LANCL1: variants seen among roughly 807,000 people sequenced by gnomAD.
The protein encoded by LANCL1 is glutathione S-transferase LANCL1.
A neutral mutation model predicts 50.6 loss-of-function variants in LANCL1; 50 were observed. The ratio of observed to expected loss-of-function variants is 0.99; its 90% confidence interval spans 0.79 to 1.25. The LOEUF (loss-of-function observed/expected upper bound fraction) is 1.25, where lower values mean the gene tolerates loss of function less well. Among genes scored for constraint, LANCL1 ranks in the 50% most tolerant of loss-of-function variants. The probability of loss-of-function intolerance (pLI) is 0.00; values close to 1 mark genes in which losing one functional copy is unlikely to be tolerated. For missense variants in LANCL1, 532 were observed against 480.7 expected, an observed-to-expected ratio of 1.11 and a Z score of -1.00; for synonymous variants, 188 against 178.6, an observed-to-expected ratio of 1.05 and a Z score of -0.42.
intron 2 of LANCL1, among the ~76,000 whole-genome samples, chr2:210,473,689 CG>C (rs1284217932): frequency 1.3e-5 from 2 of 152,176 alleles, no homozygotes; most frequent in African/African-American, 4.8e-5. Flanking sequence ...AGATTCACTT[CG>C]GAGGAGCATC....
At chr2:210,440,573 A>G (rs1559707503) in intron 6 of LANCL1, 25 bp downstream of exon 6, 4 of 1,595,194 alleles carry the variant, frequency 2.5e-6, no homozygotes, top group Non-Finnish European at 3.4e-6. Flanking sequence ...GGACATTTTA[A>G]AATTTCACCA....
intron 4 of LANCL1, among the ~76,000 whole-genome samples, chr2:210,452,639 A>G (rs936582023): frequency 6.6e-6 from 1 of 152,102 alleles, no homozygotes; most frequent in Admixed American, 6.6e-5. Context: ...ACTGCCAGAA[A>G]CCCTAAGATT....
rs150335513 is a variant in LANCL1 at position 210,467,933 on chromosome 2, T to C, written c.199+4026A>G. Among the ~76,000 whole-genome samples, 13 of 152,272 alleles carry C rather than the reference T, an allele frequency of 8.5e-5. No individual in the cohort carries two copies. The East Asian group carries it at 2.3e-3, about 27-fold the overall frequency. On this transcript the variant is annotated intron_variant, in intron 3 of 9. Transcript: ENST00000450366. ...ATACAATTATGGGGTTTAGTATGAATTGATGCATGGTACAAATTGGAAACT... is the reference window on the plus strand; with the variant it reads ...ATACAATTATGGGGTTTAGTATGAACTGATGCATGGTACAAATTGGAAACT...
intron 6 of LANCL1, among the ~76,000 whole-genome samples, chr2:210,439,520 C>T (rs551082097): frequency 6.6e-6 from 1 of 152,126 alleles, no homozygotes; most frequent in South Asian, 2.1e-4. Context: ...ACATTTACTA[C>T]TGGGAATAGA....
chr2:210,435,289 A>C lies in LANCL1; in HGVS notation c.1123+98T>G. ...GGAAATAAAAAAGTAGTTTAAGAATAATTATAAAATTTTTTGCTAAAACTT... is the reference window on the plus strand; with the variant it reads ...GGAAATAAAAAAGTAGTTTAAGAATCATTATAAAATTTTTTGCTAAAACTT... On this transcript the variant is annotated intron_variant, in intron 9 of 9. Coordinates refer to ENST00000450366, the MANE Select transcript of LANCL1 (RefSeq NM_006055.3). The C allele has an allele frequency of 4.8e-6, 4 of 839,824 alleles. No individual in the cohort carries two copies. In the South Asian group the frequency reaches 6.2e-5, roughly 13 times the overall value. The allele number at this position is 839,824 out of a possible 1,614,324, so 52.0% of individuals were successfully genotyped here.
chr2:210,466,444 TA>T (rs1406045316), intron 3 of LANCL1, among the ~76,000 whole-genome samples: 4 of 152,210 alleles, frequency 2.6e-5, no homozygotes, highest in African/African-American at 9.6e-5. Flanking sequence ...GTTTTTACTT[TA>T]TTTACTGCCC....
intron 3 of LANCL1, among the ~76,000 whole-genome samples, chr2:210,464,537 G>A (rs1480269251): frequency 1.3e-5 from 2 of 151,980 alleles, no homozygotes; most frequent in Non-Finnish European, 2.9e-5. Context: ...CAGATGAACT[G>A]TGTAGACCAG....
intron 3 of LANCL1, among the ~76,000 whole-genome samples, chr2:210,456,340 T>C (rs190467590): frequency 1.4e-4 from 22 of 152,208 alleles, no homozygotes; most frequent in Admixed American, 3.9e-4. Flanking sequence ...TTCCCTGTAC[T>C]GAGGACAATT....
At chr2:210,447,656 G>A (rs1375230883) in intron 4 of LANCL1, among the ~76,000 whole-genome samples, 2 of 152,078 alleles carry the variant, frequency 1.3e-5, no homozygotes, top group Admixed American at 6.6e-5. Context: ...AGGGATGGAG[G>A]CATATTGACC....
chr2:210,439,754 A>G (rs1414751740), intron 6 of LANCL1, among the ~76,000 whole-genome samples: 1 of 152,138 alleles, frequency 6.6e-6, no homozygotes, highest in East Asian at 1.9e-4. Flanking sequence ...CTGATCTTGT[A>G]TTATAAGAGC....
At chr2:210,438,399 T>C (rs1693012932) in intron 6 of LANCL1, among the ~76,000 whole-genome samples, 1 of 152,212 alleles carries the variant, frequency 6.6e-6, no homozygotes, top group African/African-American at 2.4e-5. Context: ...CCTCCCAAAG[T>C]GCTGGGATAA....
At chr2:210,439,454 C>T (rs1292305457) in intron 6 of LANCL1, among the ~76,000 whole-genome samples, 1 of 152,156 alleles carries the variant, frequency 6.6e-6, no homozygotes, top group Non-Finnish European at 1.5e-5. Context: ...ATGTTTGATT[C>T]TAACTAACCT....
chr2:210,441,057 T>C (rs1056696338), intron 5 of LANCL1, among the ~76,000 whole-genome samples: 4 of 152,220 alleles, frequency 2.6e-5, no homozygotes, highest in Non-Finnish European at 5.9e-5. Context: ...AATTTGGCTC[T>C]AATCCTCTTT....
At chr2:210,453,541 T>C (rs951237187) in intron 4 of LANCL1, among the ~76,000 whole-genome samples, 1 of 152,226 alleles carries the variant, frequency 6.6e-6, no homozygotes, top group Non-Finnish European at 1.5e-5. Context: ...ATTGAACACA[T>C]TAACATTTCT....
intron 4 of LANCL1, among the ~76,000 whole-genome samples, chr2:210,449,115 C>T (rs1352646186): frequency 2.0e-5 from 3 of 152,160 alleles, no homozygotes; most frequent in African/African-American, 7.2e-5. Context: ...AAAATACTGG[C>T]AAACCAAATC....
rs561140947 is a variant in LANCL1 at position 210,462,709 on chromosome 2, T to C, written c.200-7395A>G. On this transcript the variant is annotated intron_variant, in intron 3 of 9. Coordinates refer to ENST00000450366, the MANE Select transcript of LANCL1 (RefSeq NM_006055.3). ...AAAACACTGGAGATTTTTTCATTTT[T>C]CTAGCTGCAAATGCCTGTAAGTCTT... Among the ~76,000 whole-genome samples, 105 of 152,312 alleles carry C rather than the reference T, an allele frequency of 6.9e-4. 1 individual carries two copies. The highest frequency in any genetic ancestry group is 1.0e-4 in the Non-Finnish European group (7 of 68,014).
chr2:210,438,085 T>C (rs1427999690), intron 6 of LANCL1, among the ~76,000 whole-genome samples: 1 of 152,076 alleles, frequency 6.6e-6, no homozygotes, highest in African/African-American at 2.4e-5. Context: ...CAAAGTAAAA[T>C]TGCTATCAGT....
At chr2:210,475,691 G>C (rs1694335250) in intron 2 of LANCL1, among the ~76,000 whole-genome samples, 2 of 152,152 alleles carry the variant, frequency 1.3e-5, no homozygotes, top group Non-Finnish European at 2.9e-5. Flanking sequence ...TTCACCCAAT[G>C]AGGCATGAGA....
intron 3 of LANCL1, among the ~76,000 whole-genome samples, chr2:210,469,518 C>A (rs77497392): frequency 1.3e-5 from 2 of 152,122 alleles, no homozygotes; most frequent in Admixed American, 6.5e-5. Flanking sequence ...GAAGATTTTA[C>A]GTTACATCTT....
Sources: allele counts gnomAD v4.1 joint callset (sites outside exome capture counted in the v4.1 genomes callset), GRCh38; gene constraint gnomAD v4.1.1; transcripts MANE v1.5; gene names NCBI Gene and HGNC (gene_info 2026-07-23, HGNC 2026-07-21).